The following TNK2 variants were observed in gnomAD, a reference collection of about 807,000 sequenced individuals.
TNK2 encodes tyrosine kinase non receptor 2.
In TNK2, 83 loss-of-function variants were observed where a neutral mutation model predicts 101.8. The ratio of observed to expected loss-of-function variants is 0.82; its 90% CI spans 0.68 to 0.98. TNK2 has a LOEUF of 0.98. Ranked by LOEUF, TNK2 falls within the 50% of genes least tolerant of loss-of-function variation. The pLI is 0.00. For synonymous variants in TNK2, 804 were observed against 633.0 expected (o/e 1.27, Z -4.06); for missense variants, 1,665 against 1,483.2 (o/e 1.12, Z -2.01).
rs558949015 is a variant in TNK2, at chr3:195,900,446, T to G, written c.-19+8039A>C. Among the ~76,000 whole-genome samples the G allele has an allele frequency of 1.2e-4, 19 of 152,252 alleles. No individual in the cohort carries two copies. In the South Asian group the frequency reaches 3.7e-3, roughly 30 times the overall value. On this transcript the variant is annotated intron_variant, in intron 1 of 15. Coordinates refer to ENST00000672887, the MANE Select transcript of TNK2 (RefSeq NM_001382273.1). Reference sequence around the variant, plus strand: ...CACTGAACCTGAGGCTGACTGGACTTGGTGGGGCTGACACGTGGAGACAAG... The same window carrying G: ...CACTGAACCTGAGGCTGACTGGACTGGGTGGGGCTGACACGTGGAGACAAG...
chr3:195,865,909 T>C (rs918550155), intron 15 of TNK2, among the ~76,000 whole-genome samples: 1 of 152,194 alleles, frequency 6.6e-6, no homozygotes, highest in African/African-American at 2.4e-5. Flanking sequence ...CTACACGCTT[T>C]ATATGTGGAG....
chr3:195,875,948 T>G (rs1279870880), intron 9 of TNK2, among the ~76,000 whole-genome samples: 2 of 152,106 alleles, frequency 1.3e-5, no homozygotes, highest in Non-Finnish European at 2.9e-5. Context: ...AGTCCAGAAA[T>G]GGCTCAACTA....
chr3:195,886,967 CCTCACCCACCTT>C lies in TNK2; in HGVS notation c.232_234+9del. On this transcript the variant is annotated splice_donor_variant and splice_donor_5th_base_variant and coding_sequence_variant and intron_variant, in exon 3 of 16. Coordinates refer to ENST00000672887, the MANE Select transcript of TNK2 (RefSeq NM_001382273.1). LOFTEE classifies it high-confidence loss of function. The surrounding 1 kb of genome is among the most constrained non-coding windows in gnomAD (Gnocchi z 4.2). ...CCCCCTCCCACCTCCTCACCCACCT[CCTCACCCACCTT>C]ACTCATCCACGACTTGCGTTTGCAC... The C allele has an allele frequency of 6.2e-7, 1 of 1,613,434 alleles. No individual in the cohort carries two copies. Among genetic ancestry groups the C allele is most frequent in the Non-Finnish European group, 8.5e-7 (1 of 1,179,482 alleles).
chr3:195,868,935 T>A lies in TNK2; in HGVS notation c.1589-226A>T, dbSNP rs1742838816. ...TGCCCGGCAGCCCCATGTGGGCCGG[T>A]GAGCCCCGCCTCGCTCCGTCTAAGC... is the stretch of plus-strand genomic sequence containing the variant. On this transcript the variant is annotated intron_variant, in intron 12 of 15. Transcript: ENST00000672887. 94 of 563,972 alleles carry A rather than the reference T, an allele frequency of 1.7e-4. 1 individual carries two copies. The South Asian group carries it at 2.1e-3, about 13-fold the overall frequency. The allele number at this position is 563,972 out of a possible 1,614,324, so 34.9% of individuals were successfully genotyped here.
intron 9 of TNK2, among the ~76,000 whole-genome samples, chr3:195,877,206 C>T (rs775714706): frequency 6.6e-6 from 1 of 152,192 alleles, no homozygotes. Context: ...CTAGAACCTT[C>T]TGCATTCTTC....
At chr3:195,866,527 T>G (rs733119) in intron 15 of TNK2, among the ~76,000 whole-genome samples, 48,490 of 152,052 alleles carry the variant, frequency 0.32, 9,983 homozygotes, top group African/African-American at 0.58. Context: ...AATGTTACTT[T>G]AAACAGAAAT....
chr3:195,866,845 C>T (rs756686452), intron 15 of TNK2, 44 bp downstream of exon 15: 3 of 1,591,790 alleles, frequency 1.9e-6, no homozygotes, highest in African/African-American at 2.7e-5. Context: ...TCTGGGACAG[C>T]CCTCCTGGGG....
chr3:195,867,575 A>T lies in TNK2; in HGVS notation c.2723T>A (p.Leu908Gln), dbSNP rs1214444990. The change falls in exon 13 of 16, where the codon CTG becomes CAG. Residue 908 changes from leucine (L) to glutamine (Q), a missense_variant. Around this residue, in one of 3 missense-constraint regions of TNK2, gnomAD observed 1,136 missense variants for 894.9 expected, o/e 1.27. Transcript: ENST00000672887. ...GGCTGGGGTGCTGGGTGGGGGCAGC[A>T]GCAGAGGCACAGGCAGGGGGGTAGG... ...EEPTPLPVPLLLPPPSTPAPA... is the reference protein window; with the variant it reads ...EEPTPLPVPLQLPPPSTPAPA... 2 of 1,580,410 alleles carry T rather than the reference A, an allele frequency of 1.3e-6. No homozygotes were observed. Among genetic ancestry groups the T allele is most frequent in the Non-Finnish European group, 1.7e-6 (2 of 1,171,228 alleles).
In TNK2 at chr3:195,868,639, C is replaced by T. The variant is rs1742594284; in HGVS notation, c.1659G>A (p.Arg553=). 1 of 1,593,916 alleles carries T rather than the reference C, an allele frequency of 6.3e-7. No individual in the cohort carries two copies. The highest frequency in any genetic ancestry group is 8.5e-7 in the Non-Finnish European group (1 of 1,177,922). Reference sequence around the variant, plus strand: ...ACAGCCCTCGGGGCAGGCCTGGCTTCCGCAGGCCCAGCCTCTTGAAGTCGC... The same window carrying T: ...ACAGCCCTCGGGGCAGGCCTGGCTTTCGCAGGCCCAGCCTCTTGAAGTCGC... ...LSSDFKRLGL[R]KPGLPRGLWL... The change falls in exon 13 of 16, where the codon CGG becomes CGA. Residue 553 remains arginine, a synonymous_variant. Transcript: ENST00000672887.
chr3:195,896,295 T>G (rs1760490423), intron 1 of TNK2: 1 of 331,144 alleles, frequency 3.0e-6, no homozygotes, highest in Admixed American at 4.0e-5. Context: ...CAGGGCACCT[T>G]CCCTGGGTTG....
rs1238205246 is a variant in TNK2 at position 195,868,289 on chromosome 3, A to G, written c.2009T>C (p.Val670Ala). The G allele has an allele frequency of 3.1e-6, 5 of 1,603,802 alleles. No homozygotes were observed. Among genetic ancestry groups the G allele is most frequent in the Non-Finnish European group, 4.2e-6 (5 of 1,179,514 alleles). The change falls in exon 13 of 16, where the codon GTG becomes GCG. Residue 670 changes from valine to alanine, a missense_variant. Around this residue, in one of 3 missense-constraint regions of TNK2, gnomAD observed 1,136 missense variants for 894.9 expected, o/e 1.27. Coordinates refer to ENST00000672887, the MANE Select transcript of TNK2 (RefSeq NM_001382273.1). ...FEICSINSTL[V>A]GAGVPAGPSQ... Reference sequence around the variant, plus strand: ...GGGCCCGGCAGGGACCCCCGCGCCCACGAGGGTGCTGTTGATGGAGCAGAT... The same window carrying G: ...GGGCCCGGCAGGGACCCCCGCGCCCGCGAGGGTGCTGTTGATGGAGCAGAT...
chr3:195,870,395 GA>G (rs1560484969), intron 10 of TNK2, 190 bp from the exon 11 acceptor site: 1 of 1,453,058 alleles, frequency 6.9e-7, no homozygotes, highest in Admixed American at 2.0e-5. Flanking sequence ...AGAAGGCAGA[GA>G]AAGGACACCT....
intron 1 of TNK2, chr3:195,895,900 C>CCGCAGCT (rs1760369504): frequency 6.4e-6 from 1 of 155,260 alleles, no homozygotes. Flanking sequence ...CCCACCTGCC[C>CCGCAGCT]CGCAGCTCGG....
In TNK2 at chr3:195,885,280, G is replaced by T; in HGVS notation, c.235-247C>A. The T allele has an allele frequency of 8.1e-7, 1 of 1,239,652 alleles. No individual in the cohort carries two copies. Among genetic ancestry groups the T allele is most frequent in the Non-Finnish European group, 1.1e-6 (1 of 924,162 alleles). The allele number at this position is 1,239,652 out of a possible 1,614,324, so 76.8% of individuals were successfully genotyped here. Reference sequence around the variant, plus strand: ...CCAGAAAGAGACCGACAGGCATGCAGCCTGTGGCTGAGCGGCCCCACACCC... The same window carrying T: ...CCAGAAAGAGACCGACAGGCATGCATCCTGTGGCTGAGCGGCCCCACACCC... On this transcript the variant is annotated intron_variant, in intron 3 of 15. Transcript: ENST00000672887. The surrounding 1 kb of genome is among the most constrained non-coding windows in gnomAD (Gnocchi z 4.7).
At chr3:195,887,129 G>A in intron 2 of TNK2, 82 bp from the exon 3 acceptor site, 3 of 1,443,116 alleles carry the variant, frequency 2.1e-6, no homozygotes, top group South Asian at 2.4e-5. Context: ...CCTTGGGGGT[G>A]AGCCTGTCAC....
chr3:195,872,290 C>T lies in TNK2; in HGVS notation c.1437G>A (p.Pro479=), dbSNP rs778024290. ...CCAGTACTCACTCGTCAATCCTGTC[C>T]GGGAAGCCCCAGCAGTGGCGGGGGT... ...DSDPRHCWGF[P]DRIDELYLGN... Residue 479 remains proline (P), a synonymous_variant, in exon 10 of 16, where the codon CCG becomes CCA. Coordinates refer to ENST00000672887, the MANE Select transcript of TNK2 (RefSeq NM_001382273.1). 51 of 1,613,284 alleles carry T rather than the reference C, an allele frequency of 3.2e-5. No individual in the cohort carries two copies. Among genetic ancestry groups the T allele is most frequent in the African/African-American group, 1.2e-4 (9 of 74,932 alleles).
intron 10 of TNK2, among the ~76,000 whole-genome samples, chr3:195,870,907 C>T (rs1366482269): frequency 6.6e-6 from 1 of 151,668 alleles, no homozygotes; most frequent in Non-Finnish European, 1.5e-5. Context: ...TGTGTGGGCC[C>T]GCTGTGTGGG....
rs1753397522 is a variant in TNK2 at position 195,882,072 on chromosome 3, T to C, written c.866A>G (p.His289Arg). 6.2e-7 allele frequency: 1 copy of C among 1,610,762 alleles called. No individual in the cohort carries two copies. Among genetic ancestry groups the C allele is most frequent in the Middle Eastern group, 1.7e-4 (1 of 6,050 alleles). ...QNDDHYVMQEHRKVPFAWCAP... is the reference protein window; with the variant it reads ...QNDDHYVMQERRKVPFAWCAP... ...TCACCAGGCGAAGGGCACCTTGCGA[T>C]GTTCCTGCATGACGTAATGGTCGTC... Residue 289 changes from histidine (H) to arginine (R), a missense_variant, in exon 6 of 16, where the codon CAT becomes CGT. Physicochemically the swap from His to Arg is conservative, Grantham distance 29. Transcript: ENST00000672887. The surrounding 1 kb of genome is among the most constrained non-coding windows in gnomAD (Gnocchi z 4.2).
intron 1 of TNK2, among the ~76,000 whole-genome samples, chr3:195,890,412 C>T (rs1226681167): frequency 1.3e-5 from 2 of 151,878 alleles, no homozygotes; most frequent in Non-Finnish European, 2.9e-5. Context: ...GAATATGATC[C>T]CACTTTATAT....
Sources: gnomAD v4.1 joint callset for allele counts (sites outside exome capture counted in the v4.1 genomes callset) on GRCh38, gnomAD v4.1.1 for gene constraint, gnomAD v4.1.1 regional missense constraint, Gnocchi (gnomAD v3.1) non-coding constraint, MANE v1.5 for transcripts, NCBI Gene and HGNC (gene_info 2026-07-23, HGNC 2026-07-21) for gene names.